The following BICC1 variants were observed in gnomAD, a reference collection of about 807,000 sequenced individuals.
BICC1 encodes the protein protein bicaudal C homolog 1.
BICC1 carries 43 observed loss-of-function variants against 111.0 expected under a neutral mutation model. That is an observed-to-expected ratio of 0.39 (90% CI 0.30 to 0.50). The LOEUF is 0.50. Among genes scored for constraint, BICC1 ranks in the 20% least tolerant of loss-of-function variants. The pLI is 0.88. For missense variants in BICC1, 1,091 were observed against 1,203.2 expected (o/e 0.91, Z 1.38); for synonymous variants, 467 against 434.4 (o/e 1.07, Z -0.93).
chr10:58,542,357 C>T (rs1230213054), intron 1 of BICC1, among the ~76,000 whole-genome samples: 1 of 151,358 alleles, frequency 6.6e-6, no homozygotes, highest in African/African-American at 2.4e-5. Context: ...AACCTTATAC[C>T]AGATTAAAAA....
intron 1 of BICC1, among the ~76,000 whole-genome samples, chr10:58,544,819 A>C (rs944570215): frequency 2.0e-5 from 3 of 152,110 alleles, no homozygotes; most frequent in Admixed American, 2.0e-4. Context: ...CTGGGAGCTC[A>C]TTTGGAGATA....
intron 3 of BICC1, among the ~76,000 whole-genome samples, chr10:58,747,597 A>G (rs1010911331): frequency 1.3e-5 from 2 of 152,138 alleles, no homozygotes; most frequent in African/African-American, 4.8e-5. Flanking sequence ...TCATTTACCT[A>G]TCATTTTTTA....
intron 3 of BICC1, among the ~76,000 whole-genome samples, chr10:58,768,557 A>G (rs1842523088): frequency 6.6e-6 from 1 of 152,116 alleles, no homozygotes; most frequent in Admixed American, 6.6e-5. Context: ...AATTCAGAAT[A>G]CTCCAATATC....
At chr10:58,701,090 G>C (rs1442807555) in intron 2 of BICC1, among the ~76,000 whole-genome samples, 1 of 151,986 alleles carries the variant, frequency 6.6e-6, no homozygotes, top group Admixed American at 6.6e-5. Context: ...AGGAGAAAAA[G>C]GTACTTATTA....
chr10:58,718,784 G>GCA (rs1484870264), intron 3 of BICC1, among the ~76,000 whole-genome samples: 7 of 151,186 alleles, frequency 4.6e-5, no homozygotes, highest in South Asian at 2.1e-4. Flanking sequence ...GCGTGCGCGC[G>GCA]TGCGCACGCC....
intron 1 of BICC1, among the ~76,000 whole-genome samples, chr10:58,568,046 G>A (rs1843825411): frequency 6.6e-6 from 1 of 152,076 alleles, no homozygotes; most frequent in South Asian, 2.1e-4. Context: ...GCAGTCAGTG[G>A]CATTCTACTC....
At chr10:58,577,809 A>G (rs568908201) in intron 1 of BICC1, among the ~76,000 whole-genome samples, 8 of 152,338 alleles carry the variant, frequency 5.3e-5, no homozygotes, top group Admixed American at 4.6e-4. Context: ...TGGAAGCACA[A>G]GAGGAATCAT....
intron 2 of BICC1, among the ~76,000 whole-genome samples, chr10:58,626,421 C>T (rs548791738): frequency 2.0e-5 from 3 of 152,244 alleles, no homozygotes; most frequent in East Asian, 1.9e-4. Context: ...CTTTCCACCC[C>T]GTAAAGGTTG....
intron 2 of BICC1, among the ~76,000 whole-genome samples, chr10:58,656,833 T>C (rs1421799682): frequency 6.6e-6 from 1 of 152,176 alleles, no homozygotes; most frequent in East Asian, 1.9e-4. Context: ...GACACCTCCA[T>C]ACTCTACCAG....
intron 2 of BICC1, among the ~76,000 whole-genome samples, chr10:58,686,313 C>T (rs1483171011): frequency 2.0e-5 from 3 of 152,170 alleles, no homozygotes; most frequent in Non-Finnish European, 4.4e-5. Flanking sequence ...TCCTTCATTT[C>T]AACTTTGGTG....
intron 17 of BICC1, among the ~76,000 whole-genome samples, chr10:58,812,478 TTTTC>T (rs1843940393): frequency 6.6e-6 from 1 of 151,156 alleles, no homozygotes; most frequent in South Asian, 2.1e-4. Flanking sequence ...TTTTCTTTTC[TTTTC>T]TTTTTTTTTT....
intron 3 of BICC1, among the ~76,000 whole-genome samples, chr10:58,713,110 T>A (rs1468581415): frequency 6.6e-6 from 1 of 152,178 alleles, no homozygotes; most frequent in African/African-American, 2.4e-5. Flanking sequence ...TTTTATAAAA[T>A]TTTAAAAAAG....
intron 3 of BICC1, among the ~76,000 whole-genome samples, chr10:58,719,080 C>CT (rs1840855904): frequency 6.6e-6 from 1 of 152,056 alleles, no homozygotes; most frequent in Non-Finnish European, 1.5e-5. Flanking sequence ...GTCTCCATTT[C>CT]TAGAATGGTA....
At chr10:58,670,148 C>T (rs987866575) in intron 2 of BICC1, among the ~76,000 whole-genome samples, 1 of 152,052 alleles carries the variant, frequency 6.6e-6, no homozygotes, top group Non-Finnish European at 1.5e-5. Context: ...AAAATATTTG[C>T]TTTATCACAT....
chr10:58,514,422 C>T (rs10826198), intron 1 of BICC1, among the ~76,000 whole-genome samples: 77,719 of 152,060 alleles, frequency 0.51, 20,340 homozygotes, highest in African/African-American at 0.61. Flanking sequence ...CTTACTTTGA[C>T]TTTATCAGTC....
At chr10:58,702,347 A>G (rs957707074) in intron 3 of BICC1, among the ~76,000 whole-genome samples, 1 of 152,248 alleles carries the variant, frequency 6.6e-6, no homozygotes, top group East Asian at 1.9e-4. Flanking sequence ...TATTAACATT[A>G]TGATAGAAAT....
intron 3 of BICC1, among the ~76,000 whole-genome samples, chr10:58,744,988 C>G (rs1012842749): frequency 6.6e-6 from 1 of 152,158 alleles, no homozygotes; most frequent in African/African-American, 2.4e-5. Flanking sequence ...GCTACTTCTG[C>G]AGATTCAGTC....
chr10:58,818,098 T>A (rs1451544106), intron 19 of BICC1, among the ~76,000 whole-genome samples: 3 of 152,214 alleles, frequency 2.0e-5, no homozygotes, highest in Non-Finnish European at 4.4e-5. Context: ...TTTGTGGCAC[T>A]TAAAAGTAAA....
In BICC1 at chr10:58,676,366, A is replaced by T. The variant is rs117272061; in HGVS notation, c.238-25708A>T. 6.2e-3 allele frequency among the ~76,000 whole-genome samples: 950 copies of T among 152,240 alleles called. 4 individuals carry two copies. Among genetic ancestry groups the T allele is most frequent in the Non-Finnish European group, 0.01 (701 of 68,008 alleles). On this transcript the variant is annotated intron_variant, in intron 2 of 20. Coordinates refer to ENST00000373886, the MANE Select transcript of BICC1 (RefSeq NM_001080512.3). Reference sequence around the variant, plus strand: ...CCCCGATGGAGCCCAACAAGCTAAGATCTACTGGCTTGAAATTCTTGCTGG... The same window carrying T: ...CCCCGATGGAGCCCAACAAGCTAAGTTCTACTGGCTTGAAATTCTTGCTGG...
Sources: allele counts gnomAD v4.1 joint callset (sites outside exome capture counted in the v4.1 genomes callset), GRCh38; gene constraint gnomAD v4.1.1; transcripts MANE v1.5; gene names NCBI Gene and HGNC (gene_info 2026-07-23, HGNC 2026-07-21).